Variants in GSE1 observed in about 807,000 individuals in gnomAD.
GSE1 encodes genetic suppressor element 1.
A neutral mutation model predicts 112.6 loss-of-function variants in GSE1; 32 were observed. The observed-to-expected ratio is 0.28, with a 90% CI of 0.21 to 0.38. The LOEUF is 0.38. Among genes scored for constraint, GSE1 ranks in the 10% least tolerant of loss-of-function variants. The pLI, the probability that GSE1 is intolerant of heterozygous loss-of-function variation, is 1.00. For synonymous variants in GSE1, 1,115 were observed against 735.6 expected (o/e 1.52, Z -8.35); for missense variants, 2,348 against 1,699.2 (o/e 1.38, Z -6.71).
intron 1 of GSE1, among the ~76,000 whole-genome samples, chr16:85,348,686 G>A (rs2046792844): frequency 6.6e-6 from 1 of 152,304 alleles, no homozygotes; most frequent in Non-Finnish European, 1.5e-5. Flanking sequence ...AAATGGGTTG[G>A]TCATTCTCAC....
At chr16:85,522,662 T>C (rs112450469) in intron 2 of GSE1, among the ~76,000 whole-genome samples, 4,934 of 152,266 alleles carry the variant, frequency 0.032, 260 homozygotes, top group African/African-American at 0.11. Context: ...GCAGGCCGGC[T>C]CCGAGTCCGT....
At chr16:85,293,681 G>A (rs530280440) in intron 1 of GSE1, among the ~76,000 whole-genome samples, 1 of 152,346 alleles carries the variant, frequency 6.6e-6, no homozygotes, top group East Asian at 1.9e-4. Flanking sequence ...GTGGGAATCT[G>A]TCCGGGCCTT....
chr16:85,254,540 A>C (rs2144052593), intron 1 of GSE1, among the ~76,000 whole-genome samples: 1 of 152,338 alleles, frequency 6.6e-6, no homozygotes, highest in East Asian at 1.9e-4. Context: ...CAATTGAGAC[A>C]GGTGACTCTG....
chr16:85,555,183 G>C, upstream of GSE1: 1 of 985,426 alleles, frequency 1.0e-6, no homozygotes, highest in Non-Finnish European at 1.2e-6. Context: ...CAAATCTGCT[G>C]TCAGGCAGCC....
chr16:85,188,444 C>T (rs146154324), intron 1 of GSE1, among the ~76,000 whole-genome samples: 1 of 152,192 alleles, frequency 6.6e-6, no homozygotes, highest in East Asian at 1.9e-4. Flanking sequence ...TCACCTAGAC[C>T]TCAAAAACAC....
chr16:85,641,898 C>T (rs1471872709), intron 2 of GSE1, among the ~76,000 whole-genome samples: 2 of 152,230 alleles, frequency 1.3e-5, no homozygotes, highest in Admixed American at 6.5e-5. Context: ...CTTTCCACAT[C>T]CATGTCGCCA....
chr16:85,630,659 G>A (rs1030165977), intron 1 of GSE1, among the ~76,000 whole-genome samples: 1 of 152,190 alleles, frequency 6.6e-6, no homozygotes. Context: ...TTAGCTGTGT[G>A]TGGTGCGCGC....
intron 1 of GSE1, among the ~76,000 whole-genome samples, chr16:85,352,214 G>T (rs922663864): frequency 6.6e-6 from 1 of 152,182 alleles, no homozygotes; most frequent in African/African-American, 2.4e-5. Flanking sequence ...AAGCACTCCA[G>T]CTCCCTGGAG....
intron 1 of GSE1, among the ~76,000 whole-genome samples, chr16:85,321,087 G>C (rs974624975): frequency 6.6e-6 from 1 of 152,122 alleles, no homozygotes; most frequent in Non-Finnish European, 1.5e-5. Flanking sequence ...TCTATATGTT[G>C]TATGTGTATT....
intron 1 of GSE1, among the ~76,000 whole-genome samples, chr16:85,177,229 C>G (rs1015073264): frequency 3.3e-5 from 5 of 152,234 alleles, no homozygotes; most frequent in African/African-American, 1.2e-4. Flanking sequence ...TTCCTGGTTC[C>G]TCCTCTGCTT....
rs2053576663 is a variant in GSE1, at chr16:85,674,541, T to A, written c.*2002T>A. 6.6e-6 allele frequency: 1 copy of A among 152,138 alleles called. No homozygotes were observed. Among genetic ancestry groups the A allele is most frequent in the East Asian group, 1.9e-4 (1 of 5,190 alleles). The allele number at this position is 152,138 out of a possible 1,614,324, so 9.4% of individuals were successfully genotyped here. On this transcript the variant is annotated 3_prime_UTR_variant, in exon 16 of 16. Coordinates refer to ENST00000253458, the MANE Select transcript of GSE1 (RefSeq NM_014615.5). ...TTCTCCACTGAAAACCTACTTGAGGTTTCTGGTCTGAAGGCTTAAGAGTCA... is the reference window on the plus strand; with the variant it reads ...TTCTCCACTGAAAACCTACTTGAGGATTCTGGTCTGAAGGCTTAAGAGTCA...
intron 1 of GSE1, among the ~76,000 whole-genome samples, chr16:85,280,280 A>G (rs986112826): frequency 2.0e-5 from 3 of 152,124 alleles, no homozygotes; most frequent in African/African-American, 4.8e-5. Flanking sequence ...TAAGGCCTCT[A>G]CCAGTCCAGG....
At chr16:85,602,028 AAG>A (rs761060140) in intron 1 of GSE1, among the ~76,000 whole-genome samples, 1 of 151,676 alleles carries the variant, frequency 6.6e-6, no homozygotes, top group African/African-American at 2.4e-5. Flanking sequence ...GGCCTGGAGG[AAG>A]AGAGAGTGCA....
At chr16:85,444,975 G>A (rs534755819) in intron 2 of GSE1, among the ~76,000 whole-genome samples, 2 of 152,334 alleles carry the variant, frequency 1.3e-5, no homozygotes, top group East Asian at 1.9e-4. Flanking sequence ...GTGTGTCGCC[G>A]GCTCCGCAGC....
chr16:85,472,746 G>A (rs565025904), intron 2 of GSE1, among the ~76,000 whole-genome samples: 14 of 152,190 alleles, frequency 9.2e-5, no homozygotes, highest in South Asian at 8.3e-4. Context: ...GACTTTAAAC[G>A]GCCTAAAGGC....
intron 2 of GSE1, among the ~76,000 whole-genome samples, chr16:85,363,766 G>T (rs1254436789): frequency 6.6e-6 from 1 of 151,874 alleles, no homozygotes; most frequent in Non-Finnish European, 1.5e-5. Flanking sequence ...GCCTCTCCCT[G>T]TGGTCTGGGA....
intron 2 of GSE1, among the ~76,000 whole-genome samples, chr16:85,435,139 G>C (rs1287418592): frequency 1.3e-5 from 2 of 151,670 alleles, no homozygotes; most frequent in South Asian, 2.1e-4. Context: ...TCCCTGTCCA[G>C]GTCAGGCAGA....
intron 1 of GSE1, among the ~76,000 whole-genome samples, chr16:85,323,753 G>A (rs1017842399): frequency 2.0e-5 from 3 of 152,216 alleles, no homozygotes; most frequent in Non-Finnish European, 2.9e-5. Flanking sequence ...TGGGGCCCCA[G>A]GCTGACTTCC....
chr16:85,197,413 C>T (rs2074948711), intron 1 of GSE1, among the ~76,000 whole-genome samples: 1 of 152,206 alleles, frequency 6.6e-6, no homozygotes, highest in African/African-American at 2.4e-5. Context: ...TTACATATAA[C>T]TGGTTTTTTG....
Sources: allele counts gnomAD v4.1 joint callset (sites outside exome capture counted in the v4.1 genomes callset), GRCh38; gene constraint gnomAD v4.1.1; transcripts MANE v1.5; gene names NCBI Gene and HGNC (gene_info 2026-07-23, HGNC 2026-07-21).